The following RSBN1L variants were observed in gnomAD, a reference collection of about 807,000 sequenced individuals.
RSBN1L encodes lysine-specific demethylase RSBN1L.
A neutral mutation model predicts 67.7 loss-of-function variants in RSBN1L; 30 were observed. The observed-to-expected ratio is 0.44, with a 90% CI of 0.33 to 0.60. The LOEUF (loss-of-function observed/expected upper bound fraction) is 0.60, where lower values mean the gene tolerates loss of function less well. Among genes scored for constraint, RSBN1L ranks in the 20% least tolerant of loss-of-function variants. The pLI is 0.02. For missense variants in RSBN1L, 992 were observed against 1,031.7 expected (o/e 0.96, Z 0.53); for synonymous variants, 433 against 387.0 (o/e 1.12, Z -1.39).
At chr7:77,739,042 A>G (rs1016375747) in intron 2 of RSBN1L, among the ~76,000 whole-genome samples, 1 of 152,186 alleles carries the variant, frequency 6.6e-6, no homozygotes, top group African/African-American at 2.4e-5. Flanking sequence ...TCATTGGGAA[A>G]ACAGTGCTTG....
intron 3 of RSBN1L, among the ~76,000 whole-genome samples, chr7:77,764,295 G>A (rs1247802778): frequency 6.6e-6 from 1 of 152,128 alleles, no homozygotes; most frequent in Non-Finnish European, 1.5e-5. Flanking sequence ...GAGTTGTTTC[G>A]CTTGAAGACA....
intron 1 of RSBN1L, among the ~76,000 whole-genome samples, chr7:77,728,507 C>A (rs949725869): frequency 6.6e-6 from 1 of 152,110 alleles, no homozygotes; most frequent in Non-Finnish European, 1.5e-5. Flanking sequence ...TATAGGTTCA[C>A]GCCCAGAAGA....
At chr7:77,719,838 C>T (rs554581760) in intron 1 of RSBN1L, among the ~76,000 whole-genome samples, 1 of 152,310 alleles carries the variant, frequency 6.6e-6, no homozygotes, top group African/African-American at 2.4e-5. Flanking sequence ...GATCATGGCT[C>T]ACTGCAGCCT....
At chr7:77,761,825 T>C (rs1791700457) in intron 3 of RSBN1L, among the ~76,000 whole-genome samples, 1 of 152,204 alleles carries the variant, frequency 6.6e-6, no homozygotes, top group Non-Finnish European at 1.5e-5. Flanking sequence ...TATTTTAAAA[T>C]TTAATACTTT....
chr7:77,696,695 T>C lies in RSBN1L; in HGVS notation c.226T>C (p.Ser76Pro), dbSNP rs766642190. ...GCAGCTGCAGCCGCCGGCAGCACCT[T>C]CGCCTCAGAGCTATGGCAGCCCCGC... ...SRQLQPPAAP[S>P]PQSYGSPASW... The change falls in exon 1 of 8, where the codon TCG becomes CCG. Residue 76 changes from serine to proline, a missense_variant. Ser to Pro is a moderately conservative substitution (Grantham distance 74, BLOSUM62 -1). This residue lies in a region of RSBN1L where 575 missense variants were observed against 483.2 expected (regional missense o/e 1.19). Coordinates refer to ENST00000334955, the MANE Select transcript of RSBN1L (RefSeq NM_198467.3). The C allele has an allele frequency of 6.2e-7, 1 of 1,613,078 alleles. No individual in the cohort carries two copies. Among genetic ancestry groups the C allele is most frequent in the Non-Finnish European group, 8.5e-7 (1 of 1,179,504 alleles).
At chr7:77,735,168 T>G (rs188427916) in intron 1 of RSBN1L, among the ~76,000 whole-genome samples, 2 of 152,308 alleles carry the variant, frequency 1.3e-5, no homozygotes, top group Non-Finnish European at 2.9e-5. Context: ...TGAATTTAAT[T>G]TTTTGAAAAT....
At chr7:77,703,443 AGT>A (rs1031412138) in intron 1 of RSBN1L, among the ~76,000 whole-genome samples, 4 of 125,040 alleles carry the variant, frequency 3.2e-5, no homozygotes, top group African/African-American at 9.0e-5. Flanking sequence ...TCAGACGTGG[AGT>A]GTGTGTGTGT....
intron 3 of RSBN1L, among the ~76,000 whole-genome samples, chr7:77,757,469 A>G (rs1791635048): frequency 1.3e-5 from 2 of 152,246 alleles, no homozygotes; most frequent in Admixed American, 1.3e-4. Context: ...CCGTTTGAGG[A>G]TAGAAACATA....
chr7:77,730,132 C>T (rs1791255628), intron 1 of RSBN1L, among the ~76,000 whole-genome samples: 1 of 152,046 alleles, frequency 6.6e-6, no homozygotes, highest in African/African-American at 2.4e-5. Context: ...CTTCTTTCTT[C>T]CGTTCTTAGA....
chr7:77,704,241 G>A (rs1465142207), intron 1 of RSBN1L, among the ~76,000 whole-genome samples: 1 of 152,112 alleles, frequency 6.6e-6, no homozygotes, highest in Non-Finnish European at 1.5e-5. Flanking sequence ...AAAGAAGTTT[G>A]TATTTCAGAA....
rs550778453 is a variant in RSBN1L at position 77,776,052 on chromosome 7, G to A, written c.1794-2286G>A. ...GCCTGGGCGATTGACGTGAGACTCC[G>A]TCTCAAAAAAAAAAGTGTATTTTGC... On this transcript the variant is annotated intron_variant, in intron 6 of 7. Transcript: ENST00000334955. 4.0e-5 allele frequency among the ~76,000 whole-genome samples: 4 copies of A among 100,618 alleles called. No individual in the cohort carries two copies. The East Asian group carries it at 8.6e-4, about 22-fold the overall frequency. 66.0% of individuals were successfully genotyped at this position (100,618 alleles called of 152,430 possible). A position where few individuals can be genotyped will look rare whatever the true frequency, so the allele number is the denominator to read the frequency against.
rs547415950 is a variant in RSBN1L, at chr7:77,780,157, T to C, written c.*989T>C. ...TGCAGGCATTTTTAACAACCAAGAC[T>C]CAGTTAAGAAAGTGTGCATCTGCGT... is the stretch of plus-strand genomic sequence containing the variant. On this transcript the variant is annotated 3_prime_UTR_variant, in exon 8 of 8. Coordinates refer to ENST00000334955, the MANE Select transcript of RSBN1L (RefSeq NM_198467.3). 1.3e-5 allele frequency: 2 copies of C among 152,138 alleles called. No individual in the cohort carries two copies. The highest frequency in any genetic ancestry group is 1.3e-4 in the Admixed American group (2 of 15,272). 9.4% of individuals were successfully genotyped at this position (152,138 alleles called of 1,614,324 possible). A position where few individuals can be genotyped will look rare whatever the true frequency, so the allele number is the denominator to read the frequency against.
chr7:77,727,353 C>T (rs1562798734), intron 1 of RSBN1L, among the ~76,000 whole-genome samples: 1 of 152,234 alleles, frequency 6.6e-6, no homozygotes, highest in African/African-American at 2.4e-5. Flanking sequence ...TCCTGAAGTG[C>T]TGGGATTACA....
At chr7:77,726,669 G>A (rs1309851245) in intron 1 of RSBN1L, among the ~76,000 whole-genome samples, 3 of 151,968 alleles carry the variant, frequency 2.0e-5, no homozygotes. Flanking sequence ...GAGTGCAGTG[G>A]CGCAATCTAG....
rs6954671 is a variant in RSBN1L at position 77,780,997 on chromosome 7, G to C, written c.*1829G>C. 0.56 allele frequency: 85,586 copies of C among 152,124 alleles called. 25,731 individuals are homozygous for C. The highest frequency in any genetic ancestry group is 0.78 in the African/African-American group (32,564 of 41,512). The allele number at this position is 152,124 out of a possible 1,614,324, so 9.4% of individuals were successfully genotyped here. On this transcript the variant is annotated 3_prime_UTR_variant, in exon 8 of 8. Coordinates refer to ENST00000334955, the MANE Select transcript of RSBN1L (RefSeq NM_198467.3). ...TGATGACTTTCAATTGGGGTTCTTTGTGCTGCCTTTTGGGTTACTGTTGGT... is the reference window on the plus strand; with the variant it reads ...TGATGACTTTCAATTGGGGTTCTTTCTGCTGCCTTTTGGGTTACTGTTGGT...
chr7:77,738,422 A>G (rs972340469), intron 2 of RSBN1L, among the ~76,000 whole-genome samples: 52 of 152,218 alleles, frequency 3.4e-4, no homozygotes, highest in African/African-American at 1.2e-3. Flanking sequence ...AGATGTGGAA[A>G]TTAATTTGTG....
At chr7:77,704,214 A>G (rs1790858576) in intron 1 of RSBN1L, among the ~76,000 whole-genome samples, 2 of 152,230 alleles carry the variant, frequency 1.3e-5, no homozygotes, top group Non-Finnish European at 2.9e-5. Context: ...GTTAGAATGA[A>G]CAATACTAAC....
rs762473102 is a variant in RSBN1L at position 77,749,630 on chromosome 7, G to T, written c.910G>T (p.Val304Phe). ...GILNDNIKDY[V>F]GKNLDTKNYD... is the part of the protein sequence containing the mutation. ...CCTAAATGATAACATAAAAGATTACGTTGGGAAGAATTTGGATACCAAGAA... is the reference window on the plus strand; with the variant it reads ...CCTAAATGATAACATAAAAGATTACTTTGGGAAGAATTTGGATACCAAGAA... Residue 304 changes from valine (V) to phenylalanine (F), a missense_variant, in exon 3 of 8, where the codon GTT (valine) becomes TTT (phenylalanine). By Grantham distance (50) the Val-to-Phe change is conservative (BLOSUM62 -1). Coordinates refer to ENST00000334955, the MANE Select transcript of RSBN1L (RefSeq NM_198467.3). The T allele has an allele frequency of 2.9e-5, 46 of 1,613,850 alleles. No homozygotes were observed. The highest frequency in any genetic ancestry group is 3.8e-5 in the Non-Finnish European group (45 of 1,179,962).
rs369356704 is a variant in RSBN1L at position 77,756,877 on chromosome 7, GT to G, written c.1344+6817del. 3.1e-3 allele frequency among the ~76,000 whole-genome samples: 478 copies of G among 152,238 alleles called. 4 individuals are homozygous for G. Among genetic ancestry groups the G allele is most frequent in the African/African-American group, 0.01 (416 of 41,522 alleles). On this transcript the variant is annotated intron_variant, in intron 3 of 7. Coordinates refer to ENST00000334955, the MANE Select transcript of RSBN1L (RefSeq NM_198467.3). ...GAGTATATATAGTAATGCTATATGT[GT>G]TTTGTATTTTCTTATATAATGATAG...
Sources: gnomAD v4.1 joint callset for allele counts (sites outside exome capture counted in the v4.1 genomes callset) on GRCh38, gnomAD v4.1.1 for gene constraint, gnomAD v4.1.1 regional missense constraint, MANE v1.5 for transcripts, NCBI Gene and HGNC (gene_info 2026-07-23, HGNC 2026-07-21) for gene names.